Variants in ADGRL3 observed in about 807,000 individuals in gnomAD.
The protein encoded by ADGRL3 is calcium-independent alpha-latrotoxin receptor 3.
ADGRL3 carries 62 observed loss-of-function variants against 153.5 expected under a neutral mutation model. That is an observed-to-expected ratio of 0.40 (90% CI 0.33 to 0.50). ADGRL3 has a LOEUF of 0.50. ADGRL3 is among the 20% of genes least tolerant of loss of function. The pLI is 0.47. For missense variants in ADGRL3, 1,641 were observed against 1,859.4 expected, an observed-to-expected ratio of 0.88 and a Z score of 2.16; for synonymous variants, 710 against 672.5, an observed-to-expected ratio of 1.06 and a Z score of -0.86.
At chr4:61,953,604 C>T (rs1018584831) in intron 17 of ADGRL3, among the ~76,000 whole-genome samples, 1 of 152,084 alleles carries the variant, frequency 6.6e-6, no homozygotes, top group Non-Finnish European at 1.5e-5. Flanking sequence ...ACTTCAGGCA[C>T]TCAAAAAACT....
At chr4:61,255,471 A>G (rs1394324561) in intron 1 of ADGRL3, among the ~76,000 whole-genome samples, 3 of 152,204 alleles carry the variant, frequency 2.0e-5, no homozygotes, top group Admixed American at 2.0e-4. Flanking sequence ...GTTATCTTCC[A>G]CATTGCGAAG....
intron 1 of ADGRL3, among the ~76,000 whole-genome samples, chr4:61,224,683 T>C (rs1477232568): frequency 1.3e-5 from 2 of 152,200 alleles, no homozygotes; most frequent in Non-Finnish European, 2.9e-5. Context: ...CCTTGAATTC[T>C]CTGTGAACTT....
chr4:61,960,130 G>T (rs1380250217), intron 17 of ADGRL3, among the ~76,000 whole-genome samples: 1 of 152,112 alleles, frequency 6.6e-6, no homozygotes, highest in Non-Finnish European at 1.5e-5. Context: ...TTAGAACCAA[G>T]AATTTTTTGG....
chr4:61,205,589 G>T (rs2148751860), intron 1 of ADGRL3, among the ~76,000 whole-genome samples: 1 of 152,246 alleles, frequency 6.6e-6, no homozygotes, highest in African/African-American at 2.4e-5. Context: ...TTTACACTTA[G>T]ATTATTATAT....
At chr4:61,544,975 C>T (rs1304853937) in intron 4 of ADGRL3, among the ~76,000 whole-genome samples, 1 of 151,778 alleles carries the variant, frequency 6.6e-6, no homozygotes, top group Admixed American at 6.6e-5. Flanking sequence ...TTGTCAAATT[C>T]CTCTTTAAAA....
At chr4:61,894,705 C>T (rs540208880) in intron 10 of ADGRL3, among the ~76,000 whole-genome samples, 3 of 152,290 alleles carry the variant, frequency 2.0e-5, no homozygotes, top group South Asian at 4.1e-4. Context: ...CATTTTTACC[C>T]ATCTGTGTCC....
intron 1 of ADGRL3, among the ~76,000 whole-genome samples, chr4:61,332,609 G>A (rs1251963038): frequency 1.3e-5 from 2 of 152,048 alleles, no homozygotes; most frequent in African/African-American, 2.4e-5. Flanking sequence ...GTTTTCTCGT[G>A]ATTTATCTTT....
At chr4:61,426,144 T>C (rs150718591) in intron 2 of ADGRL3, among the ~76,000 whole-genome samples, 168 of 152,348 alleles carry the variant, frequency 1.1e-3, no homozygotes, top group Middle Eastern at 3.4e-3. Flanking sequence ...TCATTTTCCA[T>C]AAGTCTTGCC....
chr4:62,037,414 G>A (rs934375563), intron 23 of ADGRL3, among the ~76,000 whole-genome samples: 2 of 152,046 alleles, frequency 1.3e-5, no homozygotes, highest in African/African-American at 4.8e-5. Flanking sequence ...GCTAAAAATA[G>A]TATCTTCAAT....
intron 5 of ADGRL3, among the ~76,000 whole-genome samples, chr4:61,621,876 T>G (rs1384064634): frequency 6.6e-6 from 1 of 152,146 alleles, no homozygotes; most frequent in Non-Finnish European, 1.5e-5. Context: ...AAAAGGCAAT[T>G]AATCCCCACC....
intron 4 of ADGRL3, among the ~76,000 whole-genome samples, chr4:61,577,181 TGA>T (rs919824487): frequency 1.6e-4 from 23 of 139,602 alleles, no homozygotes; most frequent in Non-Finnish European, 2.6e-4. Context: ...TGTGTGTGTG[TGA>T]GAGAGAGAGT....
chr4:61,367,440 A>G (rs2096423332), intron 1 of ADGRL3, among the ~76,000 whole-genome samples: 2 of 139,794 alleles, frequency 1.4e-5, no homozygotes, highest in Admixed American at 1.5e-4. Flanking sequence ...TCCTGTGTCC[A>G]TGTGTTCTCA....
At chr4:61,664,070 C>G (rs556522106) in intron 5 of ADGRL3, among the ~76,000 whole-genome samples, 2 of 152,038 alleles carry the variant, frequency 1.3e-5, no homozygotes, top group East Asian at 1.9e-4. Context: ...AGCTAGATTC[C>G]CCTCATGCCA....
In ADGRL3 at chr4:61,846,885, A is replaced by G. The variant is rs560045337; in HGVS notation, c.1480+32996A>G. ...AGGTGCCACATGCTTTCAAATGACG[A>G]GATCTCATAAGAACTCATCATCACA... On this transcript the variant is annotated intron_variant, in intron 9 of 26. Transcript: ENST00000683033. Among the ~76,000 whole-genome samples the G allele has an allele frequency of 6.0e-5, 9 of 150,964 alleles. No individual in the cohort carries two copies. The East Asian group carries it at 1.8e-3, about 29-fold the overall frequency.
At chr4:61,222,744 A>G (rs1212030574) in intron 1 of ADGRL3, among the ~76,000 whole-genome samples, 2 of 152,214 alleles carry the variant, frequency 1.3e-5, no homozygotes, top group African/African-American at 2.4e-5. Flanking sequence ...GGAAACCCAG[A>G]CTACAAAGTG....
At chr4:61,503,976 C>A (rs1020850774) in intron 3 of ADGRL3, among the ~76,000 whole-genome samples, 2 of 151,770 alleles carry the variant, frequency 1.3e-5, no homozygotes, top group Non-Finnish European at 2.9e-5. Flanking sequence ...ATTTGTCTAC[C>A]CTCATCACTT....
chr4:61,412,307 C>G (rs143581155), intron 2 of ADGRL3, among the ~76,000 whole-genome samples: 1 of 152,158 alleles, frequency 6.6e-6, no homozygotes, highest in African/African-American at 2.4e-5. Context: ...AGTCTGGTCT[C>G]GAACTCCTGA....
At chr4:62,058,764 C>CTAT (rs1446700731) in intron 25 of ADGRL3, among the ~76,000 whole-genome samples, 1 of 151,952 alleles carries the variant, frequency 6.6e-6, no homozygotes, top group Non-Finnish European at 1.5e-5. Context: ...AATTTCGCAG[C>CTAT]TATTAGAAGG....
At chr4:61,629,209 C>T (rs2093007930) in intron 5 of ADGRL3, among the ~76,000 whole-genome samples, 1 of 152,110 alleles carries the variant, frequency 6.6e-6, no homozygotes, top group Non-Finnish European at 1.5e-5. Flanking sequence ...CAACCTGGAA[C>T]ATTTGCAAAT....
Sources: gnomAD v4.1 joint callset for allele counts (sites outside exome capture counted in the v4.1 genomes callset) on GRCh38, gnomAD v4.1.1 for gene constraint, MANE v1.5 for transcripts, NCBI Gene and HGNC (gene_info 2026-07-23, HGNC 2026-07-21) for gene names.